The following GINS1 variants were observed in gnomAD, a reference collection of about 807,000 sequenced individuals.
GINS1 encodes GINS complex subunit 1.
In GINS1, 26 loss-of-function variants were observed where a neutral mutation model predicts 34.9. The ratio of observed to expected loss-of-function variants is 0.74; its 90% CI spans 0.55 to 1.03. GINS1 has a LOEUF of 1.03. Among genes scored for constraint, GINS1 ranks in the 50% least tolerant of loss-of-function variants. The pLI is 0.00. For missense variants in GINS1, 235 were observed against 237.9 expected (o/e 0.99, Z 0.08); for synonymous variants, 97 against 84.4 (o/e 1.15, Z -0.82).
intron 4 of GINS1, among the ~76,000 whole-genome samples, chr20:25,422,332 G>A (rs2500398): frequency 1.7e-3 from 256 of 152,092 alleles, no homozygotes; most frequent in Middle Eastern, 6.8e-3. Flanking sequence ...CCAGCACTTT[G>A]AGAGGCCAAG....
At chr20:25,433,058 G>A (rs2090436125) in intron 5 of GINS1, among the ~76,000 whole-genome samples, 2 of 151,888 alleles carry the variant, frequency 1.3e-5, no homozygotes, top group African/African-American at 4.8e-5. Flanking sequence ...TAATGTTTGT[G>A]TCTTTGGGTC....
chr20:25,428,903 C>T (rs144380025), intron 5 of GINS1, among the ~76,000 whole-genome samples: 8 of 148,708 alleles, frequency 5.4e-5, no homozygotes, highest in East Asian at 4.1e-4. Flanking sequence ...TGTAGTATTT[C>T]GATTGTTGTA....
intron 1 of GINS1, among the ~76,000 whole-genome samples, chr20:25,413,076 T>G (rs1374276079): frequency 6.6e-6 from 1 of 151,926 alleles, no homozygotes; most frequent in Non-Finnish European, 1.5e-5. Flanking sequence ...TTTTTTTCTT[T>G]GAGACGAAGT....
At chr20:25,445,576 T>C (rs1046933797) in intron 6 of GINS1, among the ~76,000 whole-genome samples, 1 of 152,222 alleles carries the variant, frequency 6.6e-6, no homozygotes, top group Non-Finnish European at 1.5e-5. Context: ...CTTGATCTCC[T>C]GACCTCGTGA....
chr20:25,447,011 G>A lies in GINS1; in HGVS notation c.*1020G>A, dbSNP rs1008258774. On this transcript the variant is annotated 3_prime_UTR_variant, in exon 7 of 7. Transcript: ENST00000262460. ...AGCTTTATACTTTGGTCTATGACCC[G>A]TTTTTTTTTTTGTTTTGTTTTGTTT... 9 of 144,356 alleles carry A rather than the reference G, an allele frequency of 6.2e-5. No individual in the cohort carries two copies. Among genetic ancestry groups the A allele is most frequent in the African/African-American group, 1.5e-4 (6 of 39,624 alleles). The allele number at this position is 144,356 out of a possible 1,614,324, so 8.9% of individuals were successfully genotyped here. A position where few individuals can be genotyped will look rare whatever the true frequency, so the allele number is the denominator to read the frequency against.
intron 5 of GINS1, among the ~76,000 whole-genome samples, chr20:25,440,801 ACT>A (rs1259548174): frequency 1.5e-4 from 20 of 135,836 alleles, no homozygotes; most frequent in African/African-American, 5.7e-4. Flanking sequence ...ACAGAGCAAG[ACT>A]CTGTCTCAAA....
chr20:25,412,277 G>A (rs1271937570), intron 1 of GINS1, among the ~76,000 whole-genome samples: 1 of 151,822 alleles, frequency 6.6e-6, no homozygotes, highest in African/African-American at 2.4e-5. Context: ...TTTTAAGCTG[G>A]GCCCAGTGGC....
At chr20:25,415,930 G>A (rs1203231853) in intron 2 of GINS1, among the ~76,000 whole-genome samples, 1 of 152,144 alleles carries the variant, frequency 6.6e-6, no homozygotes, top group Admixed American at 6.5e-5. Context: ...CAGTGACTGT[G>A]GGCATAGAAC....
chr20:25,441,012 C>T (rs6050617), intron 5 of GINS1, among the ~76,000 whole-genome samples: 69,781 of 151,794 alleles, frequency 0.46, 16,614 homozygotes, highest in East Asian at 0.92. Flanking sequence ...CTGGCAACAA[C>T]AGCAGTTCAT....
chr20:25,409,227 A>C (rs1436537243), intron 1 of GINS1, among the ~76,000 whole-genome samples: 1 of 152,234 alleles, frequency 6.6e-6, no homozygotes, highest in African/African-American at 2.4e-5. Context: ...GAGCTGGTAG[A>C]GGATTTTAGA....
chr20:25,436,352 G>T (rs2090454794), intron 5 of GINS1, among the ~76,000 whole-genome samples: 1 of 152,102 alleles, frequency 6.6e-6, no homozygotes, highest in Admixed American at 6.6e-5. Context: ...GAGCTTCTTT[G>T]ATGTTTATAT....
At chr20:25,445,548 C>T (rs1422239520) in intron 6 of GINS1, among the ~76,000 whole-genome samples, 1 of 152,146 alleles carries the variant, frequency 6.6e-6, no homozygotes. Flanking sequence ...GGGGTTTCAC[C>T]GTGTTAGCCA....
intron 1 of GINS1, among the ~76,000 whole-genome samples, chr20:25,412,324 C>T (rs1600917397): frequency 6.6e-6 from 1 of 152,064 alleles, no homozygotes; most frequent in Non-Finnish European, 1.5e-5. Flanking sequence ...GAGGCTGAGG[C>T]GGGTGGATCA....
chr20:25,426,794 C>G (rs149937840), intron 5 of GINS1, among the ~76,000 whole-genome samples: 112 of 151,958 alleles, frequency 7.4e-4, no homozygotes, highest in African/African-American at 2.6e-3. Context: ...CAAAGTGCTG[C>G]GATTACAGGT....
chr20:25,420,888 A>G (rs2090351352), intron 4 of GINS1: 1 of 977,860 alleles, frequency 1.0e-6, no homozygotes, highest in Non-Finnish European at 1.2e-6. Flanking sequence ...AGAGATTAAT[A>G]CAGATAAACT....
intron 5 of GINS1, among the ~76,000 whole-genome samples, chr20:25,432,961 T>C (rs1226702842): frequency 1.3e-5 from 2 of 151,156 alleles, no homozygotes; most frequent in Non-Finnish European, 2.9e-5. Flanking sequence ...AAGTCCATTA[T>C]AGCTAATATT....
At chr20:25,413,004 A>G (rs1439098012) in intron 1 of GINS1, among the ~76,000 whole-genome samples, 1 of 151,692 alleles carries the variant, frequency 6.6e-6, no homozygotes, top group Non-Finnish European at 1.5e-5. Flanking sequence ...TCTCTTGCTC[A>G]GTATAACGTA....
At position 25,447,049 on chromosome 20, in the gene GINS1, CTTT is replaced by C. The variant is rs1383818756; in HGVS notation, c.*1059_*1061del. On this transcript the variant is annotated 3_prime_UTR_variant, in exon 7 of 7. Transcript: ENST00000262460. ...TTTTGTTTTGTTTTTTCGTTTGTTTCTTTGTTTTGAGATGGAGTCTTGTTCTGT... is the reference window on the plus strand; with the variant it reads ...TTTTGTTTTGTTTTTTCGTTTGTTTCGTTTTGAGATGGAGTCTTGTTCTGT... 1.5e-5 allele frequency: 2 copies of C among 137,756 alleles called. No individual in the cohort carries two copies. Among genetic ancestry groups the C allele is most frequent in the Non-Finnish European group, 3.2e-5 (2 of 63,304 alleles). The allele number at this position is 137,756 out of a possible 1,614,324, so 8.5% of individuals were successfully genotyped here.
chr20:25,411,955 A>C (rs1268788333), intron 1 of GINS1, among the ~76,000 whole-genome samples: 1 of 151,946 alleles, frequency 6.6e-6, no homozygotes, highest in East Asian at 1.9e-4. Flanking sequence ...AAAAAAAAAA[A>C]AATTAGCTGG....
Sources: allele counts gnomAD v4.1 joint callset (sites outside exome capture counted in the v4.1 genomes callset), GRCh38; gene constraint gnomAD v4.1.1; transcripts MANE v1.5; gene names NCBI Gene and HGNC (gene_info 2026-07-23, HGNC 2026-07-21).